PTCD2: variants seen among roughly 807,000 people sequenced by gnomAD.
The protein encoded by PTCD2 is pentatricopeptide repeat-containing protein 2, mitochondrial.
PTCD2 carries 31 observed loss-of-function variants against 42.6 expected under a neutral mutation model. The observed-to-expected ratio is 0.73, with a 90% CI of 0.55 to 0.98. PTCD2 has a LOEUF of 0.98. PTCD2 is among the 50% of genes least tolerant of loss of function. The pLI is 0.00. For synonymous variants in PTCD2, 183 were observed against 170.9 expected, an observed-to-expected ratio of 1.07 and a Z score of -0.55; for missense variants, 476 against 454.8, an observed-to-expected ratio of 1.05 and a Z score of -0.42.
chr5:72,338,439 G>T (rs1287901230), intron 6 of PTCD2, among the ~76,000 whole-genome samples, 183 bp from the exon 7 acceptor site: 1 of 152,206 alleles, frequency 6.6e-6, no homozygotes, highest in Non-Finnish European at 1.5e-5. Flanking sequence ...GATTTGACCT[G>T]CTAGCCTATC....
At position 72,364,078 on chromosome 5, in the gene PTCD2, T is replaced by G. The variant is rs1444196325; in HGVS notation, c.*5651T>G. On this transcript the variant is annotated 3_prime_UTR_variant, in exon 10 of 10. Transcript: ENST00000380639. The stretch of plus-strand genomic sequence containing the variant: ...AAAAATAAAAGTGAAATGGTATTTT[T>G]TAAAAGGAAGTGGTTCAACTGTATT... The G allele has an allele frequency of 6.6e-6, 1 of 152,214 alleles. No homozygotes were observed. Among genetic ancestry groups the G allele is most frequent in the Non-Finnish European group, 1.5e-5 (1 of 68,036 alleles). 9.4% of individuals were successfully genotyped at this position (152,214 alleles called of 1,614,324 possible).
chr5:72,332,188 T>C (rs1314839247), intron 4 of PTCD2, among the ~76,000 whole-genome samples: 2 of 152,212 alleles, frequency 1.3e-5, no homozygotes, highest in Non-Finnish European at 2.9e-5. Context: ...ACATAACAAG[T>C]TGAGTTGTTC....
At chr5:72,339,258 G>C (rs1420816103) in intron 7 of PTCD2, among the ~76,000 whole-genome samples, 2 of 152,246 alleles carry the variant, frequency 1.3e-5, no homozygotes, top group African/African-American at 4.8e-5. Flanking sequence ...TCATGCCTCA[G>C]TGATGGACAG....
rs1319193669 is a variant in PTCD2, at chr5:72,331,366, GA to G, written c.462del (p.Asp155ThrfsTer17). 6.2e-7 allele frequency: 1 copy of G among 1,604,178 alleles called. No homozygotes were observed. Among genetic ancestry groups the G allele is most frequent in the African/African-American group, 1.3e-5 (1 of 74,736 alleles). On this transcript the variant is annotated frameshift_variant, in exon 4 of 10. Transcript: ENST00000380639. LOFTEE classifies it high-confidence loss of function. ...DLEESAVELMKDQHLRGFFSD... is the reference protein window; with the variant it reads ...DLEESAVELMXDQHLRGFFSD... The stretch of plus-strand genomic sequence containing the variant: ...TCGAGGAATCTGCAGTGGAGCTCAT[GA>G]AAGACCAGGTTATTGTTTCCTAATT...
Position 72,335,902 on chromosome 5 carries a change from T to G in PTCD2, c.639+17T>G. Reference sequence around the variant, plus strand: ...TACAAACTGGTAAGACTCTTTCCTCTTAACTTTGAGAGCATTGTGTGTAGT... The same window carrying G: ...TACAAACTGGTAAGACTCTTTCCTCGTAACTTTGAGAGCATTGTGTGTAGT... On this transcript the variant is annotated intron_variant, in intron 6 of 9. Transcript: ENST00000380639. 6.6e-7 allele frequency: 1 copy of G among 1,515,702 alleles called. No homozygotes were observed. Among genetic ancestry groups the G allele is most frequent in the South Asian group, 1.1e-5 (1 of 88,820 alleles). 93.9% of individuals were successfully genotyped at this position (1,515,702 alleles called of 1,614,324 possible).
rs891821858 is a variant in PTCD2 at position 72,365,753 on chromosome 5, T to C, written c.*7326T>C. 1 of 152,178 alleles carries C rather than the reference T, an allele frequency of 6.6e-6. No homozygotes were observed. Among genetic ancestry groups the C allele is most frequent in the Non-Finnish European group, 1.5e-5 (1 of 68,026 alleles). 9.4% of individuals were successfully genotyped at this position (152,178 alleles called of 1,614,324 possible). A position where few individuals can be genotyped will look rare whatever the true frequency, so the allele number is the denominator to read the frequency against. ...CTTTGGCCTAAAAAGCTTGTCATTA[T>C]ATAAAAAAGCTATAGAGAGCAGAGA... On this transcript the variant is annotated 3_prime_UTR_variant, in exon 10 of 10. Transcript: ENST00000380639.
intron 5 of PTCD2, chr5:72,335,538 A>G (rs1039741915): frequency 5.3e-6 from 2 of 379,560 alleles, no homozygotes; most frequent in Admixed American, 4.3e-5. Flanking sequence ...AAAACATTGC[A>G]TTGCATGTCA....
chr5:72,322,287 T>A (rs764978193), intron 2 of PTCD2, 23 bp downstream of exon 2: 7 of 1,346,902 alleles, frequency 5.2e-6, no homozygotes, highest in Non-Finnish European at 7.5e-6. Flanking sequence ...ATTTTGTTAA[T>A]TCTGTCATTT....
chr5:72,350,718 A>G (rs562168304), intron 8 of PTCD2, among the ~76,000 whole-genome samples: 1 of 152,350 alleles, frequency 6.6e-6, no homozygotes, highest in East Asian at 1.9e-4. Flanking sequence ...TTCCGAACCA[A>G]AGACAACCCC....
chr5:72,355,095 C>A (rs1752810516), intron 9 of PTCD2, among the ~76,000 whole-genome samples: 1 of 152,050 alleles, frequency 6.6e-6, no homozygotes, highest in African/African-American at 2.4e-5. Context: ...ATGTTGATTT[C>A]TTTTTCAGAT....
Position 72,363,739 on chromosome 5 carries a change from G to C in PTCD2, c.*5312G>C, listed in dbSNP as rs1753143068. 2 of 152,170 alleles carry C rather than the reference G, an allele frequency of 1.3e-5. No homozygotes were observed. The highest frequency in any genetic ancestry group is 4.8e-5 in the African/African-American group (2 of 41,436). The allele number at this position is 152,170 out of a possible 1,614,324, so 9.4% of individuals were successfully genotyped here. A position where few individuals can be genotyped will look rare whatever the true frequency, so the allele number is the denominator to read the frequency against. On this transcript the variant is annotated 3_prime_UTR_variant, in exon 10 of 10. Transcript: ENST00000380639. ...CCCACCAATGAATTAATTGAATCAA[G>C]AGTTCCAAGGCATTAGGTTAAAGAC...
rs558965571 is a variant in PTCD2, at chr5:72,352,744, C to T, written c.932C>T (p.Ser311Leu). 7.5e-5 allele frequency: 116 copies of T among 1,551,616 alleles called. No individual in the cohort carries two copies. Among genetic ancestry groups the T allele is most frequent in the South Asian group, 1.6e-4 (14 of 89,492 alleles). The change falls in exon 9 of 10, where the codon TCG becomes TTG. Residue 311 changes from serine (S) to leucine (L), a missense_variant. Coordinates refer to ENST00000380639, the MANE Select transcript of PTCD2 (RefSeq NM_024754.5). ...LSKFVKRHVF[S>L]EEVLAKVREK... ...AAATTTGTGAAAAGACATGTGTTCTCGGAGGAAGTGGTGAGTATGCAAGTG... is the reference window on the plus strand; with the variant it reads ...AAATTTGTGAAAAGACATGTGTTCTTGGAGGAAGTGGTGAGTATGCAAGTG...
At chr5:72,350,459 G>T (rs1419854741) in intron 8 of PTCD2, among the ~76,000 whole-genome samples, 1 of 152,124 alleles carries the variant, frequency 6.6e-6, no homozygotes, top group East Asian at 1.9e-4. Flanking sequence ...CTCTTATAAT[G>T]GCCAGTAAGC....
chr5:72,332,681 C>A (rs894045344), intron 4 of PTCD2, among the ~76,000 whole-genome samples: 25 of 152,004 alleles, frequency 1.6e-4, no homozygotes, highest in African/African-American at 6.0e-4. Context: ...ATGAAAAAGT[C>A]ATGTATAGGT....
chr5:72,345,796 A>G (rs1484373122), intron 8 of PTCD2, among the ~76,000 whole-genome samples: 3 of 152,218 alleles, frequency 2.0e-5, no homozygotes, highest in African/African-American at 7.2e-5. Flanking sequence ...AGTCTGTTCA[A>G]TGAATATTTG....
At chr5:72,330,440 T>A (rs1000191777) in intron 3 of PTCD2, among the ~76,000 whole-genome samples, 1 of 152,218 alleles carries the variant, frequency 6.6e-6, no homozygotes, top group South Asian at 2.1e-4. Flanking sequence ...TCACTCATTA[T>A]ATGAATCTAA....
rs978293190 is a variant in PTCD2, at chr5:72,368,029, A to C, written c.*9602A>C. On this transcript the variant is annotated 3_prime_UTR_variant, in exon 10 of 10. Coordinates refer to ENST00000380639, the MANE Select transcript of PTCD2 (RefSeq NM_024754.5). ...GCCATGAGTCTTGCCCAAAAGTATA[A>C]ATCTTTTTTTCATATGGACTATTTG... 1.3e-5 allele frequency: 2 copies of C among 152,154 alleles called. No homozygotes were observed. The highest frequency in any genetic ancestry group is 4.8e-5 in the African/African-American group (2 of 41,426). The allele number at this position is 152,154 out of a possible 1,614,324, so 9.4% of individuals were successfully genotyped here.
rs986809548 is a variant in PTCD2 at position 72,363,212 on chromosome 5, A to G, written c.*4785A>G. 6 of 152,164 alleles carry G rather than the reference A, an allele frequency of 3.9e-5. No individual in the cohort carries two copies. Among genetic ancestry groups the G allele is most frequent in the African/African-American group, 1.4e-4 (6 of 41,424 alleles). The allele number at this position is 152,164 out of a possible 1,614,324, so 9.4% of individuals were successfully genotyped here. ...CAATCTTTTTGCGTATCTTCCTCCT[A>G]CCTTTTCATAGCCAAGATGACAGCT... On this transcript the variant is annotated 3_prime_UTR_variant, in exon 10 of 10. Transcript: ENST00000380639.
At chr5:72,345,234 TC>T (rs1240192764) in intron 8 of PTCD2, among the ~76,000 whole-genome samples, 3 of 152,200 alleles carry the variant, frequency 2.0e-5, no homozygotes, top group Non-Finnish European at 4.4e-5. Flanking sequence ...GTGATATTTC[TC>T]CAATTTCCTT....
Sources: gnomAD v4.1 joint callset for allele counts (sites outside exome capture counted in the v4.1 genomes callset) on GRCh38, gnomAD v4.1.1 for gene constraint, MANE v1.5 for transcripts, NCBI Gene and HGNC (gene_info 2026-07-23, HGNC 2026-07-21) for gene names.